GART: variants seen among roughly 807,000 people sequenced by gnomAD.
GART encodes phosphoribosylglycinamide formyltransferase, phosphoribosylglycinamide synthetase, phosphoribosylaminoimidazole synthetase, also known as trifunctional purine biosynthetic protein adenosine-3.
In GART, 43 loss-of-function variants were observed where a neutral mutation model predicts 107.2. The observed-to-expected ratio is 0.40, with a 90% CI of 0.31 to 0.52. The LOEUF (loss-of-function observed/expected upper bound fraction) is 0.52, where lower values mean the gene tolerates loss of function less well. Among genes scored for constraint, GART ranks in the 20% least tolerant of loss-of-function variants. The pLI, the probability that GART is intolerant of heterozygous loss-of-function variation, is 0.52. For synonymous variants in GART, 434 were observed against 427.0 expected, an observed-to-expected ratio of 1.02 and a Z score of -0.20; for missense variants, 1,107 against 1,206.5, an observed-to-expected ratio of 0.92 and a Z score of 1.22.
intron 2 of GART, among the ~76,000 whole-genome samples, chr21:33,538,159 G>A (rs1317008943): frequency 6.9e-6 from 1 of 144,710 alleles, no homozygotes; most frequent in Non-Finnish European, 1.5e-5. Flanking sequence ...CAGAAGAATC[G>A]CTTTAACTCA....
chr21:33,528,165 A>G lies in GART; in HGVS notation c.1066+2T>C. ...TCCAACCTCTTGCTCCCTGACACTC[A>G]CCTGTTATCTCTACACCCTTGGTGT... On this transcript the variant is annotated splice_donor_variant, in intron 10 of 21. Coordinates refer to ENST00000381815, the MANE Select transcript of GART (RefSeq NM_000819.5). LOFTEE classifies it high-confidence loss of function. 6.2e-7 allele frequency: 1 copy of G among 1,612,980 alleles called. No individual in the cohort carries two copies. Among genetic ancestry groups the G allele is most frequent in the South Asian group, 1.1e-5 (1 of 90,830 alleles).
intron 6 of GART, 105 bp downstream of exon 6, chr21:33,531,384 G>T: frequency 4.1e-6 from 4 of 973,950 alleles, no homozygotes; most frequent in Non-Finnish European, 6.3e-6. Flanking sequence ...CTGGGTTTAT[G>T]TTTTTAGATG....
chr21:33,511,583 T>C (rs531294901), intron 16 of GART, 125 bp from the exon 17 acceptor site: 3 of 983,362 alleles, frequency 3.1e-6, no homozygotes, highest in Admixed American at 4.7e-5. Context: ...GGTAAAACTA[T>C]AAATTGGCCT....
rs149034444 is a variant in GART, at chr21:33,527,010, C to G, written c.1066+1157G>C. On this transcript the variant is annotated intron_variant, in intron 10 of 21. Coordinates refer to ENST00000381815, the MANE Select transcript of GART (RefSeq NM_000819.5). ...ACTCTGCCTGCCAGTACTGGTAAAA[C>G]TCAATATTGCTCTGGCAGAACTATT... Among the ~76,000 whole-genome samples the G allele has an allele frequency of 5.9e-5, 9 of 152,328 alleles. No homozygotes were observed. In the East Asian group the frequency reaches 1.7e-3, roughly 29 times the overall value.
chr21:33,526,420 C>T (rs977937653), intron 10 of GART, among the ~76,000 whole-genome samples: 25 of 151,932 alleles, frequency 1.6e-4, no homozygotes, highest in African/African-American at 5.8e-4. Context: ...GTGATCTGCC[C>T]GCTTCGGCCT....
chr21:33,524,139 T>C, intron 11 of GART: 1 of 985,310 alleles, frequency 1.0e-6, no homozygotes, highest in Non-Finnish European at 1.2e-6. Context: ...TGTCAAACTT[T>C]ACAGTATAAT....
At position 33,508,817 on chromosome 21, in the gene GART, A is replaced by G. The variant is rs1441248473; in HGVS notation, c.2452+966T>C. Among the ~76,000 whole-genome samples, 8 of 152,060 alleles carry G rather than the reference A, an allele frequency of 5.3e-5. No individual in the cohort carries two copies. The South Asian group carries it at 1.0e-3, about 20-fold the overall frequency. ...GGCGTGAGCCACAGCACCCGGCCCT[A>G]TTGTTTCCATCTTTATGTCCACATG... is the stretch of plus-strand genomic sequence containing the variant. On this transcript the variant is annotated intron_variant, in intron 18 of 21. Coordinates refer to ENST00000381815, the MANE Select transcript of GART (RefSeq NM_000819.5).
Position 33,520,982 on chromosome 21 carries a change from A to G in GART, c.1427T>C (p.Leu476Pro). ...CKVDLGGFAG[L>P]FDLKAAGFKD... ...GAAACCAGCTGCTTTTAAATCAAAA[A>G]GACCAGCAAAACCTCCAAGATCAAC... The change falls in exon 13 of 22, where the codon CTT becomes CCT. Residue 476 changes from leucine (L) to proline (P), a missense_variant. Leu to Pro is a moderately conservative substitution (Grantham distance 98). Coordinates refer to ENST00000381815, the MANE Select transcript of GART (RefSeq NM_000819.5). 1 of 1,614,134 alleles carries G rather than the reference A, an allele frequency of 6.2e-7. No individual in the cohort carries two copies. Among genetic ancestry groups the G allele is most frequent in the African/African-American group, 1.3e-5 (1 of 75,064 alleles).
Position 33,531,714 on chromosome 21 carries a change from T to A in GART, c.529-157A>T, listed in dbSNP as rs79874250. ...TTCAGAAAGACTCAAAGGGAACATA[T>A]AAATGTTTCCTATTTTTAATGTGGC... On this transcript the variant is annotated intron_variant, in intron 5 of 21. Transcript: ENST00000381815. 2,665 of 631,210 alleles carry A rather than the reference T, an allele frequency of 4.2e-3. 55 individuals are homozygous for A. Among genetic ancestry groups the A allele is most frequent in the African/African-American group, 0.041 (2,224 of 54,494 alleles). 39.1% of individuals were successfully genotyped at this position (631,210 alleles called of 1,614,324 possible).
At chr21:33,524,199 T>C (rs899394068) in intron 11 of GART, 2 of 985,220 alleles carry the variant, frequency 2.0e-6, no homozygotes, top group African/African-American at 3.5e-5. Context: ...TTCAGTTCTT[T>C]GATAAAACCA....
intron 1 of GART, among the ~76,000 whole-genome samples, 168 bp from the exon 2 acceptor site, chr21:33,539,524 T>C (rs906388062): frequency 6.6e-6 from 1 of 151,962 alleles, no homozygotes; most frequent in African/African-American, 2.4e-5. Flanking sequence ...CAAAACCTCA[T>C]CTCTACTAAA....
intron 2 of GART, among the ~76,000 whole-genome samples, chr21:33,536,478 C>T (rs2085305908): frequency 6.6e-6 from 1 of 152,134 alleles, no homozygotes; most frequent in South Asian, 2.1e-4. Flanking sequence ...TACAGTTGTC[C>T]CTCTTTATCC....
chr21:33,504,053 A>G lies in GART; in HGVS notation c.*71T>C, dbSNP rs1222758649. 22 of 1,408,672 alleles carry G rather than the reference A, an allele frequency of 1.6e-5. No homozygotes were observed. Among genetic ancestry groups the G allele is most frequent in the Non-Finnish European group, 2.1e-5 (22 of 1,041,632 alleles). The allele number at this position is 1,408,672 out of a possible 1,614,324, so 87.3% of individuals were successfully genotyped here. A position where few individuals can be genotyped will look rare whatever the true frequency, so the allele number is the denominator to read the frequency against. On this transcript the variant is annotated 3_prime_UTR_variant, in exon 22 of 22. Coordinates refer to ENST00000381815, the MANE Select transcript of GART (RefSeq NM_000819.5). ...GCAGTTTTTCTTTTGGGCCAAGTCC[A>G]TGATAAAAAACCACCATGCAAACAG...
At chr21:33,531,141 C>T in intron 6 of GART, 1 of 388,162 alleles carries the variant, frequency 2.6e-6, no homozygotes, top group Non-Finnish European at 4.5e-6. Flanking sequence ...AAGATTTCAA[C>T]CTTTCCCCCA....
chr21:33,539,144 T>C (rs776266861), intron 2 of GART, 27 bp downstream of exon 2: 10 of 1,599,052 alleles, frequency 6.3e-6, no homozygotes, highest in Non-Finnish European at 8.5e-6. Context: ...ATAATAACTA[T>C]TACTCCCCAC....
intron 14 of GART, 103 bp downstream of exon 14, chr21:33,520,261 A>G: frequency 1.1e-6 from 1 of 921,770 alleles, no homozygotes; most frequent in Non-Finnish European, 1.7e-6. Context: ...CTTGTGATAT[A>G]CAGTCTCTCT....
chr21:33,535,982 C>T (rs1035485502), intron 2 of GART, among the ~76,000 whole-genome samples: 2 of 151,884 alleles, frequency 1.3e-5, no homozygotes, highest in Non-Finnish European at 2.9e-5. Context: ...GAGCCAAGAT[C>T]GCACCACTGC....
intron 10 of GART, among the ~76,000 whole-genome samples, chr21:33,527,374 C>T (rs1352668959): frequency 6.6e-6 from 1 of 152,088 alleles, no homozygotes; most frequent in Non-Finnish European, 1.5e-5. Flanking sequence ...CAGAAATTAG[C>T]TGGGCCTGGT....
chr21:33,536,802 T>G (rs1427257840), intron 2 of GART, among the ~76,000 whole-genome samples: 1 of 152,198 alleles, frequency 6.6e-6, no homozygotes, highest in Non-Finnish European at 1.5e-5. Flanking sequence ...AAGATTCACG[T>G]CTCAGGTTGG....
Sources: gnomAD v4.1 joint callset for allele counts (sites outside exome capture counted in the v4.1 genomes callset) on GRCh38, gnomAD v4.1.1 for gene constraint, MANE v1.5 for transcripts, NCBI Gene and HGNC (gene_info 2026-07-23, HGNC 2026-07-21) for gene names.